RASAL2: variants seen among roughly 807,000 people sequenced by gnomAD.
The protein encoded by RASAL2 is RAS protein activator like 2, also known as ras GTPase-activating protein nGAP.
Under a neutral mutation model 128.9 loss-of-function variants are expected in RASAL2, and 58 were observed. The ratio of observed to expected loss-of-function variants is 0.45; its 90% CI spans 0.36 to 0.56. The LOEUF is 0.56. RASAL2 is among the 20% of genes least tolerant of loss of function. RASAL2 has a pLI of 0.00. For synonymous variants in RASAL2, 561 were observed against 580.8 expected (o/e 0.97, Z 0.49); for missense variants, 1,360 against 1,601.6 (o/e 0.85, Z 2.57).
Position 178,163,828 on chromosome 1 carries a change from A to G in RASAL2, c.202+69134A>G, listed in dbSNP as rs548344090. 4.6e-5 allele frequency among the ~76,000 whole-genome samples: 7 copies of G among 152,288 alleles called. No homozygotes were observed. The South Asian group carries it at 1.5e-3, about 32-fold the overall frequency. On this transcript the variant is annotated intron_variant, in intron 1 of 17. Coordinates refer to ENST00000367649, the MANE Select transcript of RASAL2 (RefSeq NM_170692.4). ...TAATAAAACCATTTGGGATTTTAAT[A>G]GAGATTTTGTTTAATTTGTAGATCA... is the stretch of plus-strand genomic sequence containing the variant.
rs189521138 is a variant in RASAL2 at position 178,202,590 on chromosome 1, T to C, written c.203-80974T>C. On this transcript the variant is annotated intron_variant, in intron 1 of 17. Coordinates refer to ENST00000367649, the MANE Select transcript of RASAL2 (RefSeq NM_170692.4). ...AGATGTGTTATTATATACTGAGTCA[T>C]GGGCTATAGTCAATGGTTTGGCCGG... Among the ~76,000 whole-genome samples the C allele has an allele frequency of 3.9e-5, 6 of 152,318 alleles. No individual in the cohort carries two copies. The East Asian group carries it at 1.2e-3, about 29-fold the overall frequency.
At chr1:178,149,990 C>G (rs1660859958) in intron 1 of RASAL2, among the ~76,000 whole-genome samples, 1 of 152,072 alleles carries the variant, frequency 6.6e-6, no homozygotes, top group African/African-American at 2.4e-5. Flanking sequence ...TTAGATGGTT[C>G]AACTTCTACT....
chr1:178,102,670 A>T (rs1371389893), intron 1 of RASAL2, among the ~76,000 whole-genome samples: 1 of 152,114 alleles, frequency 6.6e-6, no homozygotes, highest in Non-Finnish European at 1.5e-5. Flanking sequence ...CATGTTATTG[A>T]AAACATTAAC....
At chr1:178,418,742 C>T (rs575581525) in intron 4 of RASAL2, among the ~76,000 whole-genome samples, 169 of 152,272 alleles carry the variant, frequency 1.1e-3, no homozygotes, top group African/African-American at 4.0e-3. Context: ...TTCTGAGTAC[C>T]TGGTAGTACT....
intron 3 of RASAL2, among the ~76,000 whole-genome samples, chr1:178,382,407 T>A (rs571972267): frequency 6.6e-6 from 1 of 152,300 alleles, no homozygotes; most frequent in East Asian, 1.9e-4. Context: ...CTCAAGAGTA[T>A]GACTTAATTC....
chr1:178,157,125 A>G (rs998982010), intron 1 of RASAL2, among the ~76,000 whole-genome samples: 1 of 152,060 alleles, frequency 6.6e-6, no homozygotes, highest in Non-Finnish European at 1.5e-5. Flanking sequence ...TGACTTCCTG[A>G]ACTCTCTTCT....
In RASAL2 at chr1:178,458,224, C is replaced by A; in HGVS notation, c.2932C>A (p.Arg978Ser). Reference sequence around the variant, plus strand: ...TAGCAGCATGGAAGATTTCACTAAACGTAGCACTCAGAGTGAGGACTTCTC... The same window carrying A: ...TAGCAGCATGGAAGATTTCACTAAAAGTAGCACTCAGAGTGAGGACTTCTC... ...SNSSMEDFTK[R>S]STQSEDFSRR... The change falls in exon 14 of 18, where the codon CGT becomes AGT. Residue 978 changes from arginine (R) to serine (S), a missense_variant. Physicochemically the swap from Arg to Ser is moderately radical, Grantham distance 110. Around this residue, in one of 3 missense-constraint regions of RASAL2, gnomAD observed 741 missense variants for 868.6 expected, o/e 0.85. Transcript: ENST00000367649. The A allele has an allele frequency of 6.2e-7, 1 of 1,614,234 alleles. No homozygotes were observed. Among genetic ancestry groups the A allele is most frequent in the Non-Finnish European group, 8.5e-7 (1 of 1,180,052 alleles).
intron 3 of RASAL2, among the ~76,000 whole-genome samples, chr1:178,344,539 T>C (rs144502884): frequency 6.6e-6 from 1 of 152,342 alleles, no homozygotes; most frequent in East Asian, 1.9e-4. Flanking sequence ...TTTGCCCTTC[T>C]GCTCCAGTCT....
chr1:178,225,018 C>T (rs1362465295), intron 1 of RASAL2, among the ~76,000 whole-genome samples: 2 of 152,040 alleles, frequency 1.3e-5, no homozygotes, highest in African/African-American at 4.8e-5. Context: ...TTAAGCAGGT[C>T]ATGGAATCCT....
At chr1:178,179,734 G>A (rs1662021398) in intron 1 of RASAL2, among the ~76,000 whole-genome samples, 1 of 152,146 alleles carries the variant, frequency 6.6e-6, no homozygotes, top group African/African-American at 2.4e-5. Context: ...CACAACTTAA[G>A]GGGAATTGTG....
intron 1 of RASAL2, among the ~76,000 whole-genome samples, chr1:178,096,719 C>T (rs1658705399): frequency 6.6e-6 from 1 of 152,002 alleles, no homozygotes; most frequent in Non-Finnish European, 1.5e-5. Context: ...CAATTGCAGA[C>T]TTACCACTGC....
chr1:178,244,938 G>A (rs1174832010), intron 1 of RASAL2, among the ~76,000 whole-genome samples: 3 of 152,152 alleles, frequency 2.0e-5, no homozygotes, highest in South Asian at 2.1e-4. Flanking sequence ...AGTATTCCAT[G>A]GTGTATATGT....
intron 11 of RASAL2, among the ~76,000 whole-genome samples, 167 bp from the exon 12 acceptor site, chr1:178,454,280 T>G (rs1341961400): frequency 6.6e-6 from 1 of 151,458 alleles, no homozygotes; most frequent in African/African-American, 2.4e-5. Flanking sequence ...AATATTAAAG[T>G]GATATTAAGA....
At chr1:178,183,258 T>C (rs1238312345) in intron 1 of RASAL2, among the ~76,000 whole-genome samples, 2 of 152,246 alleles carry the variant, frequency 1.3e-5, no homozygotes, top group African/African-American at 4.8e-5. Context: ...TTTCACACCA[T>C]GTGTATTACA....
chr1:178,276,096 C>T (rs903702890), intron 1 of RASAL2, among the ~76,000 whole-genome samples: 8 of 152,064 alleles, frequency 5.3e-5, no homozygotes, highest in East Asian at 3.9e-4. Flanking sequence ...CATCAAGGTA[C>T]GAGGGTGGCC....
At chr1:178,311,924 CAGAA>C (rs1199528220) in intron 3 of RASAL2, among the ~76,000 whole-genome samples, 2 of 151,912 alleles carry the variant, frequency 1.3e-5, no homozygotes, top group Non-Finnish European at 2.9e-5. Context: ...TTGATATCCT[CAGAA>C]AGATAGGATG....
rs1044972679 is a variant in RASAL2 at position 178,327,329 on chromosome 1, G to A, written c.457+27211G>A. Among the ~76,000 whole-genome samples the A allele has an allele frequency of 2.6e-5, 4 of 151,950 alleles. No homozygotes were observed. The South Asian group carries it at 6.2e-4, about 24-fold the overall frequency. On this transcript the variant is annotated intron_variant, in intron 3 of 17. Transcript: ENST00000367649. ...GGGAGAATATAATTAATAAAATACA[G>A]TTTATTTTATTTTTATTTTATTTAT... is the stretch of plus-strand genomic sequence containing the variant.
Position 178,187,950 on chromosome 1 carries a change from C to T in RASAL2, c.202+93256C>T, listed in dbSNP as rs551071948. On this transcript the variant is annotated intron_variant, in intron 1 of 17. Coordinates refer to ENST00000367649, the MANE Select transcript of RASAL2 (RefSeq NM_170692.4). ...CTTTTTTTTCTAGGACTAATTTACT[C>T]TTACTATTAATACCAATGTGTAACC... is the stretch of plus-strand genomic sequence containing the variant. 3.1e-3 allele frequency among the ~76,000 whole-genome samples: 472 copies of T among 151,632 alleles called. 2 individuals are homozygous for T. Among genetic ancestry groups the T allele is most frequent in the Non-Finnish European group, 4.9e-3 (330 of 67,988 alleles).
rs148999984 is a variant in RASAL2, at chr1:178,168,724, C to T, written c.202+74030C>T. Among the ~76,000 whole-genome samples, 69 of 152,208 alleles carry T rather than the reference C, an allele frequency of 4.5e-4. No individual in the cohort carries two copies. In the East Asian group the frequency reaches 0.013, roughly 28 times the overall value. ...TTCAATCTCACAGCAGTCAGTGGGA[C>T]TGTCTGCACCATCACATGAGAGGTG... is the stretch of plus-strand genomic sequence containing the variant. On this transcript the variant is annotated intron_variant, in intron 1 of 17. Transcript: ENST00000367649.
Sources: gnomAD v4.1 joint callset for allele counts (sites outside exome capture counted in the v4.1 genomes callset) on GRCh38, gnomAD v4.1.1 for gene constraint, gnomAD v4.1.1 regional missense constraint, MANE v1.5 for transcripts, NCBI Gene and HGNC (gene_info 2026-07-23, HGNC 2026-07-21) for gene names.